The following ITGA8 variants were observed in gnomAD, a reference collection of about 807,000 sequenced individuals.
ITGA8 encodes the protein integrin subunit alpha 8.
Under a neutral mutation model 142.3 loss-of-function variants are expected in ITGA8, and 91 were observed. That is an observed-to-expected ratio of 0.64 (90% CI 0.54 to 0.76). The LOEUF (loss-of-function observed/expected upper bound fraction) is 0.76, where lower values mean the gene tolerates loss of function less well. Among genes scored for constraint, ITGA8 ranks in the 30% least tolerant of loss-of-function variants. The probability of loss-of-function intolerance (pLI) is 0.00; values close to 1 mark genes in which losing one functional copy is unlikely to be tolerated. For synonymous variants in ITGA8, 505 were observed against 485.2 expected, an observed-to-expected ratio of 1.04 and a Z score of -0.54; for missense variants, 1,406 against 1,327.7, an observed-to-expected ratio of 1.06 and a Z score of -0.92.
rs961035655 is a variant in ITGA8, at chr10:15,680,633, C to G, written c.569-1850G>C. 1.1e-4 allele frequency among the ~76,000 whole-genome samples: 17 copies of G among 152,064 alleles called. 1 individual carries two copies. Among genetic ancestry groups the G allele is most frequent in the African/African-American group, 3.9e-4 (16 of 41,478 alleles). On this transcript the variant is annotated intron_variant, in intron 4 of 29. Coordinates refer to ENST00000378076, the MANE Select transcript of ITGA8 (RefSeq NM_003638.3). ...TTATATTTATTTTTCCATGCACAAG[C>G]CTTTTAAAAATCCCTTTTAAATTCA...
rs768509322 is a variant in ITGA8, at chr10:15,647,093, G to GT, written c.1002-43dup. 1.1e-5 allele frequency: 16 copies of GT among 1,470,192 alleles called. No individual in the cohort carries two copies. The East Asian group carries it at 3.6e-4, about 33-fold the overall frequency. The allele number at this position is 1,470,192 out of a possible 1,614,324, so 91.1% of individuals were successfully genotyped here. A position where few individuals can be genotyped will look rare whatever the true frequency, so the allele number is the denominator to read the frequency against. ...AAGCAGCTCAGCACGCTAGCAGAGA[G>GT]TAGAGTCACTTTGGGTTATTTGTAA... is the stretch of plus-strand genomic sequence containing the variant. On this transcript the variant is annotated intron_variant, in intron 11 of 29. Transcript: ENST00000378076.
rs1266217464 is a variant in ITGA8 at position 15,646,841 on chromosome 10, A to G, written c.1207+5T>C. The G allele has an allele frequency of 6.2e-7, 1 of 1,612,528 alleles. No individual in the cohort carries two copies. Among genetic ancestry groups the G allele is most frequent in the Admixed American group, 1.7e-5 (1 of 59,970 alleles). On this transcript the variant is annotated splice_donor_5th_base_variant and intron_variant, in intron 12 of 29. Coordinates refer to ENST00000378076, the MANE Select transcript of ITGA8 (RefSeq NM_003638.3). ...AAATGACTTCCACGCTTTGGTTTAA[A>G]TTACCATTGTATCCATCTTGGTTCA...
intron 1 of ITGA8, among the ~76,000 whole-genome samples, chr10:15,719,286 C>T (rs974982421): frequency 9.9e-5 from 15 of 152,212 alleles, no homozygotes; most frequent in Non-Finnish European, 1.9e-4. Flanking sequence ...TCTTCTGGGT[C>T]CTGTTCTCTC....
chr10:15,647,340 A>G (rs1564390599), intron 11 of ITGA8, among the ~76,000 whole-genome samples: 1 of 152,230 alleles, frequency 6.6e-6, no homozygotes, highest in Non-Finnish European at 1.5e-5. Context: ...GCATTTCCAG[A>G]AACTGTACTT....
intron 24 of ITGA8, among the ~76,000 whole-genome samples, chr10:15,575,214 C>G (rs994629770): frequency 6.6e-6 from 1 of 151,950 alleles, no homozygotes; most frequent in South Asian, 2.1e-4. Flanking sequence ...CATGGCAAAA[C>G]CCCGTCTCTA....
intron 28 of ITGA8, among the ~76,000 whole-genome samples, chr10:15,528,982 C>T (rs907166091): frequency 1.4e-5 from 2 of 147,452 alleles, no homozygotes; most frequent in Non-Finnish European, 3.0e-5. Flanking sequence ...TTCTTTCCTT[C>T]TTTCTTTCCT....
intron 27 of ITGA8, among the ~76,000 whole-genome samples, chr10:15,540,855 A>G (rs1013002451): frequency 4.6e-5 from 7 of 152,176 alleles, no homozygotes; most frequent in African/African-American, 1.7e-4. Context: ...TACTAAAGCA[A>G]TCCCTAGCTG....
chr10:15,621,939 C>G (rs1833498394), intron 13 of ITGA8, among the ~76,000 whole-genome samples: 2 of 152,196 alleles, frequency 1.3e-5, no homozygotes, highest in South Asian at 4.1e-4. Flanking sequence ...AGACAGATCC[C>G]CTGAGGTCAG....
intron 12 of ITGA8, among the ~76,000 whole-genome samples, chr10:15,645,043 G>C (rs916545857): frequency 7.6e-6 from 1 of 131,512 alleles, no homozygotes; most frequent in African/African-American, 2.8e-5. Flanking sequence ...GGTGAGCAGT[G>C]AGTTGAGATC....
chr10:15,686,544 T>C (rs577739453), intron 3 of ITGA8, among the ~76,000 whole-genome samples: 1 of 152,316 alleles, frequency 6.6e-6, no homozygotes, highest in Non-Finnish European at 1.5e-5. Flanking sequence ...AGTTTCACAT[T>C]GATGTGAAAC....
intron 13 of ITGA8, among the ~76,000 whole-genome samples, chr10:15,637,918 A>G (rs1347388673): frequency 6.6e-6 from 1 of 152,140 alleles, no homozygotes; most frequent in African/African-American, 2.4e-5. Flanking sequence ...AAAAATACAT[A>G]CATAGATGTT....
chr10:15,557,929 C>T (rs1564350657), intron 26 of ITGA8, 145 bp downstream of exon 26: 2 of 1,039,026 alleles, frequency 1.9e-6, no homozygotes, highest in Non-Finnish European at 2.8e-6. Flanking sequence ...GCTTTTCATT[C>T]TCGAGATAAA....
chr10:15,608,598 T>C (rs1187952209), intron 15 of ITGA8, among the ~76,000 whole-genome samples: 2 of 152,192 alleles, frequency 1.3e-5, no homozygotes, highest in African/African-American at 4.8e-5. Context: ...CAGGTCAGTA[T>C]CTTCCATGTG....
At chr10:15,575,340 T>C in intron 24 of ITGA8, 149 bp downstream of exon 24, 1 of 606,134 alleles carries the variant, frequency 1.6e-6, no homozygotes, top group Non-Finnish European at 3.0e-6. Context: ...CAGTGAGCTG[T>C]GATTGCACCA....
chr10:15,707,941 A>G (rs1420190359), intron 2 of ITGA8, among the ~76,000 whole-genome samples: 1 of 150,020 alleles, frequency 6.7e-6, no homozygotes. Flanking sequence ...TGCCCAAGCT[A>G]AAATAAATGT....
intron 27 of ITGA8, among the ~76,000 whole-genome samples, chr10:15,538,131 A>C (rs1440634689): frequency 6.6e-6 from 1 of 152,182 alleles, no homozygotes; most frequent in Non-Finnish European, 1.5e-5. Context: ...CTAAGAAAAC[A>C]ATAAAAAGCA....
At chr10:15,522,362 A>G (rs1478653690) in intron 28 of ITGA8, among the ~76,000 whole-genome samples, 3 of 152,202 alleles carry the variant, frequency 2.0e-5, no homozygotes, top group Non-Finnish European at 2.9e-5. Flanking sequence ...CTGAATCCTA[A>G]CATTTGACTG....
At chr10:15,541,687 G>T (rs1222800360) in intron 27 of ITGA8, among the ~76,000 whole-genome samples, 1 of 152,132 alleles carries the variant, frequency 6.6e-6, no homozygotes, top group Non-Finnish European at 1.5e-5. Flanking sequence ...TCAAAGACAA[G>T]AAAACATTCC....
chr10:15,714,959 G>A (rs1236760687), intron 2 of ITGA8, among the ~76,000 whole-genome samples: 1 of 152,036 alleles, frequency 6.6e-6, no homozygotes, highest in Non-Finnish European at 1.5e-5. Context: ...GTAAAAGTAG[G>A]GTAAAAGACC....
Sources: allele counts gnomAD v4.1 joint callset (sites outside exome capture counted in the v4.1 genomes callset), GRCh38; gene constraint gnomAD v4.1.1; transcripts MANE v1.5; gene names NCBI Gene and HGNC (gene_info 2026-07-23, HGNC 2026-07-21).